Variants in TAF3 observed in about 807,000 individuals in gnomAD.
The protein encoded by TAF3 is transcription initiation factor TFIID subunit 3.
A neutral mutation model predicts 80.6 loss-of-function variants in TAF3; 7 were observed. The ratio of observed to expected loss-of-function variants is 0.09; its 90% confidence interval spans 0.05 to 0.16. The LOEUF (loss-of-function observed/expected upper bound fraction) is 0.16. Ranked by LOEUF, TAF3 falls within the 10% of genes least tolerant of loss-of-function variation. The pLI is 1.00. For synonymous variants in TAF3, 444 were observed against 446.1 expected (o/e 1.00, Z 0.06); for missense variants, 921 against 1,140.2 (o/e 0.81, Z 2.77).
chr10:7,891,122 T>C (rs894532355), intron 2 of TAF3, among the ~76,000 whole-genome samples: 31 of 152,346 alleles, frequency 2.0e-4, no homozygotes, highest in African/African-American at 6.5e-4. Flanking sequence ...ATCTAGTAAG[T>C]CAATTGAACA....
chr10:7,857,017 A>G (rs1023598195), intron 2 of TAF3, among the ~76,000 whole-genome samples: 2 of 152,234 alleles, frequency 1.3e-5, no homozygotes, highest in African/African-American at 4.8e-5. Flanking sequence ...TGCTTTTGTT[A>G]ATTTTCCCAA....
chr10:7,842,809 C>T (rs1178365793), intron 2 of TAF3, among the ~76,000 whole-genome samples: 1 of 143,742 alleles, frequency 7.0e-6, no homozygotes, highest in Non-Finnish European at 1.5e-5. Context: ...ATATAAATGT[C>T]GTATATTTTT....
At chr10:7,884,346 C>T (rs1837388063) in intron 2 of TAF3, among the ~76,000 whole-genome samples, 1 of 151,440 alleles carries the variant, frequency 6.6e-6, no homozygotes, top group Non-Finnish European at 1.5e-5. Context: ...CTTGTACTTC[C>T]AGCTTTAGCC....
chr10:7,985,148 A>C (rs1489985870), intron 4 of TAF3, among the ~76,000 whole-genome samples: 1 of 152,196 alleles, frequency 6.6e-6, no homozygotes, highest in African/African-American at 2.4e-5. Context: ...GAATATGCAC[A>C]GTCTTTTTTA....
intron 3 of TAF3, among the ~76,000 whole-genome samples, chr10:7,974,395 A>G (rs1831650904): frequency 6.6e-6 from 1 of 152,214 alleles, no homozygotes; most frequent in Admixed American, 6.5e-5. Context: ...CTTATAGGTT[A>G]TTTAGTTGAA....
chr10:7,867,559 G>A (rs1167432913), intron 2 of TAF3, among the ~76,000 whole-genome samples: 1 of 152,118 alleles, frequency 6.6e-6, no homozygotes, highest in African/African-American at 2.4e-5. Flanking sequence ...TATAAGGAAG[G>A]GGCACCCTCA....
intron 2 of TAF3, among the ~76,000 whole-genome samples, chr10:7,911,980 C>T (rs1256578838): frequency 5.3e-5 from 8 of 152,130 alleles, no homozygotes; most frequent in South Asian, 2.1e-4. Context: ...GCTACCACAA[C>T]GAGTCATATG....
intron 1 of TAF3, among the ~76,000 whole-genome samples, chr10:7,823,473 T>C (rs1221655770): frequency 7.0e-6 from 1 of 142,694 alleles, no homozygotes; most frequent in Non-Finnish European, 1.5e-5. Context: ...TCTACAAAAT[T>C]AAAAAAAAAA....
At chr10:7,846,580 G>T (rs1836974952) in intron 2 of TAF3, among the ~76,000 whole-genome samples, 1 of 151,366 alleles carries the variant, frequency 6.6e-6, no homozygotes. Flanking sequence ...GAAAAGATTG[G>T]CATTTCATGA....
chr10:7,879,060 G>T (rs1480980967), intron 2 of TAF3, among the ~76,000 whole-genome samples: 2 of 152,028 alleles, frequency 1.3e-5, no homozygotes, highest in Non-Finnish European at 2.9e-5. Context: ...TACACATTTA[G>T]GCTCTTTCCA....
intron 4 of TAF3, among the ~76,000 whole-genome samples, chr10:7,991,051 CT>C (rs1564378861): frequency 1.3e-5 from 2 of 152,010 alleles, no homozygotes; most frequent in South Asian, 2.1e-4. Flanking sequence ...CTTCTCTTTT[CT>C]TTTTTTTCTC....
intron 2 of TAF3, among the ~76,000 whole-genome samples, chr10:7,910,571 G>A (rs1242417032): frequency 1.3e-5 from 2 of 152,082 alleles, no homozygotes; most frequent in African/African-American, 2.4e-5. Flanking sequence ...AGTAGAGGCA[G>A]GGTTTCACCA....
At chr10:8,008,123 G>A (rs1001514411) in intron 4 of TAF3, among the ~76,000 whole-genome samples, 6 of 122,166 alleles carry the variant, frequency 4.9e-5, no homozygotes, top group Non-Finnish European at 8.2e-5. Flanking sequence ...TTGAGACGAA[G>A]TCTCACTCTG....
At chr10:7,916,975 G>A (rs1381581774) in intron 2 of TAF3, among the ~76,000 whole-genome samples, 3 of 152,146 alleles carry the variant, frequency 2.0e-5, no homozygotes, top group Admixed American at 6.5e-5. Flanking sequence ...AAGAACATAG[G>A]CTTTGGATTC....
At chr10:7,875,168 T>A (rs1479385785) in intron 2 of TAF3, among the ~76,000 whole-genome samples, 1 of 152,196 alleles carries the variant, frequency 6.6e-6, no homozygotes, top group Non-Finnish European at 1.5e-5. Context: ...TAGTAAATAA[T>A]CACCATTGCT....
chr10:8,008,767 C>T (rs146895503), intron 4 of TAF3, among the ~76,000 whole-genome samples: 5 of 152,280 alleles, frequency 3.3e-5, no homozygotes, highest in Admixed American at 2.0e-4. Flanking sequence ...CCTCTGAAGC[C>T]GTCAGAGCTT....
intron 2 of TAF3, among the ~76,000 whole-genome samples, chr10:7,961,124 A>C (rs1838185792): frequency 6.6e-6 from 1 of 152,144 alleles, no homozygotes; most frequent in African/African-American, 2.4e-5. Flanking sequence ...CCATACAGAG[A>C]AGAGGTGCTG....
In TAF3 at chr10:8,009,217, G is replaced by A; in HGVS notation, c.2455G>A (p.Ala819Thr). 2 of 1,453,026 alleles carry A rather than the reference G, an allele frequency of 1.4e-6. No homozygotes were observed. The highest frequency in any genetic ancestry group is 1.3e-5 in the South Asian group (1 of 77,238). The allele number at this position is 1,453,026 out of a possible 1,614,324, so 90.0% of individuals were successfully genotyped here. ...TGCGCCCGTGCCGCTGCCGCTGCTC[G>A]CCCAGGCCGCCGCGGGCCCTGCCCT... is the stretch of plus-strand genomic sequence containing the variant. Reference protein sequence around the residue: ...SPAPVPLPLLAQAAAGPALLP... With the variant: ...SPAPVPLPLLTQAAAGPALLP... The change falls in exon 5 of 7, where the codon GCC becomes ACC. Residue 819 changes from alanine to threonine, a missense_variant. By Grantham distance (58) the Ala-to-Thr change is moderately conservative. This residue lies in a region of TAF3 where 743 missense variants were observed against 821.0 expected (regional missense o/e 0.90). Transcript: ENST00000344293. This position sits in a 1 kb window ranked among gnomAD's most constrained non-coding sequence, Gnocchi z 4.1.
chr10:8,012,036 G>T (rs1175801441), intron 5 of TAF3, among the ~76,000 whole-genome samples: 1 of 152,062 alleles, frequency 6.6e-6, no homozygotes, highest in Admixed American at 6.6e-5. Flanking sequence ...AATTGGCTGG[G>T]CAGGGTGACA....
Sources: allele counts gnomAD v4.1 joint callset (sites outside exome capture counted in the v4.1 genomes callset), GRCh38; gene constraint gnomAD v4.1.1; regional missense constraint gnomAD v4.1.1; non-coding constraint Gnocchi (gnomAD v3.1); transcripts MANE v1.5; gene names NCBI Gene and HGNC (gene_info 2026-07-23, HGNC 2026-07-21).